The following HIRA variants were observed in gnomAD, a reference collection of about 807,000 sequenced individuals.
The protein encoded by HIRA is histone cell cycle regulator.
A neutral mutation model predicts 126.6 loss-of-function variants in HIRA; 13 were observed. The observed-to-expected ratio is 0.10, with a 90% CI of 0.07 to 0.16. The LOEUF (loss-of-function observed/expected upper bound fraction) is 0.16. Ranked by LOEUF, HIRA falls within the 10% of genes least tolerant of loss-of-function variation. HIRA has a pLI of 1.00. For synonymous variants in HIRA, 511 were observed against 520.0 expected (o/e 0.98, Z 0.24); for missense variants, 834 against 1,314.4 (o/e 0.63, Z 5.65).
intron 1 of HIRA, among the ~76,000 whole-genome samples, chr22:19,419,387 G>A (rs2089425742): frequency 1.3e-5 from 2 of 152,114 alleles, no homozygotes; most frequent in Non-Finnish European, 2.9e-5. Flanking sequence ...GACTGTACCA[G>A]GTGCGCTCCT....
intron 1 of HIRA, among the ~76,000 whole-genome samples, chr22:19,420,711 T>C (rs1459219770): frequency 7.0e-6 from 1 of 143,410 alleles, no homozygotes; most frequent in Non-Finnish European, 1.5e-5. Flanking sequence ...TAAGACCTTG[T>C]CTTTAAAAAA....
chr22:19,356,051 G>A (rs1257154040), intron 20 of HIRA, among the ~76,000 whole-genome samples, 179 bp downstream of exon 20: 3 of 152,182 alleles, frequency 2.0e-5, no homozygotes, highest in African/African-American at 7.2e-5. Context: ...CACCTCTTGG[G>A]GACCCATTCA....
intron 8 of HIRA, 73 bp from the exon 9 acceptor site, chr22:19,392,287 C>T (rs1326631644): frequency 1.2e-6 from 1 of 851,416 alleles, no homozygotes; most frequent in Non-Finnish European, 1.9e-6. Flanking sequence ...AAGTCCCAGC[C>T]CACTGAAGGG....
At chr22:19,418,680 C>T (rs377698996) in intron 1 of HIRA, among the ~76,000 whole-genome samples, 20 of 152,046 alleles carry the variant, frequency 1.3e-4, no homozygotes, top group Admixed American at 9.8e-4. Flanking sequence ...TTCAGCATCT[C>T]GACTGCAGTG....
intron 2 of HIRA, among the ~76,000 whole-genome samples, chr22:19,410,217 T>C (rs1250863314): frequency 6.6e-6 from 1 of 152,228 alleles, no homozygotes; most frequent in Non-Finnish European, 1.5e-5. Flanking sequence ...ATACTACCAA[T>C]AACAGTTTCA....
chr22:19,393,509 C>A (rs1016435197), intron 8 of HIRA, among the ~76,000 whole-genome samples: 3 of 152,116 alleles, frequency 2.0e-5, no homozygotes, highest in African/African-American at 7.2e-5. Context: ...AGGCGCATGA[C>A]ACCATGCCCA....
chr22:19,365,056 T>A (rs2088899897), intron 15 of HIRA, among the ~76,000 whole-genome samples: 1 of 152,178 alleles, frequency 6.6e-6, no homozygotes, highest in South Asian at 2.1e-4. Context: ...CACAGCCTAA[T>A]CCAAAGCAAG....
At chr22:19,342,410 G>A (rs1287688702) in intron 24 of HIRA, among the ~76,000 whole-genome samples, 1 of 152,120 alleles carries the variant, frequency 6.6e-6, no homozygotes, top group Non-Finnish European at 1.5e-5. Flanking sequence ...TTCTGGAGAT[G>A]GAGTCTCACT....
intron 13 of HIRA, 47 bp from the exon 14 acceptor site, chr22:19,378,113 C>A: frequency 7.1e-7 from 1 of 1,411,892 alleles, no homozygotes; most frequent in Non-Finnish European, 9.5e-7. Flanking sequence ...TCAGGTGCCA[C>A]ATCCAGTACT....
chr22:19,398,550 G>A (rs1002724903), intron 5 of HIRA, among the ~76,000 whole-genome samples: 1 of 152,212 alleles, frequency 6.6e-6, no homozygotes, highest in Non-Finnish European at 1.5e-5. Context: ...TGAGGCCCTC[G>A]TCTGGTTCAT....
Position 19,385,565 on chromosome 22 carries a change from C to T in HIRA, c.1285G>A (p.Val429Ile). The part of the protein sequence containing the change: ...ATREMGSATS[V>I]AGVVNGESLE... ...CTCTCCCCGTTGACAACGCCTGCGACTGAGGTGGCTGAGCCCATCTCCCTG... is the reference window on the plus strand; with the variant it reads ...CTCTCCCCGTTGACAACGCCTGCGATTGAGGTGGCTGAGCCCATCTCCCTG... Residue 429 changes from valine (V) to isoleucine (I), a missense_variant, in exon 12 of 25, where the codon GTC becomes ATC. Transcript: ENST00000263208. 6.2e-7 allele frequency: 1 copy of T among 1,614,190 alleles called. No individual in the cohort carries two copies. Among genetic ancestry groups the T allele is most frequent in the Non-Finnish European group, 8.5e-7 (1 of 1,180,044 alleles).
chr22:19,409,143 T>C (rs1371917415), intron 2 of HIRA, among the ~76,000 whole-genome samples: 4 of 152,076 alleles, frequency 2.6e-5, no homozygotes, highest in South Asian at 2.1e-4. Context: ...ACAGGAAAAA[T>C]GGCTCATTAT....
intron 2 of HIRA, among the ~76,000 whole-genome samples, chr22:19,410,338 A>G (rs997888002): frequency 4.6e-5 from 7 of 152,176 alleles, no homozygotes; most frequent in Non-Finnish European, 8.8e-5. Flanking sequence ...AGAAGCTTAA[A>G]TTACCCTCAT....
At chr22:19,413,520 C>A (rs2089370756) in intron 1 of HIRA, among the ~76,000 whole-genome samples, 1 of 152,126 alleles carries the variant, frequency 6.6e-6, no homozygotes, top group Non-Finnish European at 1.5e-5. Flanking sequence ...AGTGCTGGCT[C>A]CCCGCCTCCT....
intron 2 of HIRA, among the ~76,000 whole-genome samples, chr22:19,409,178 C>T (rs1391086082): frequency 6.6e-6 from 1 of 152,136 alleles, no homozygotes; most frequent in African/African-American, 2.4e-5. Context: ...TTTGCAGTTA[C>T]CTACAGACGA....
At chr22:19,423,623 G>A (rs1009626171) in intron 1 of HIRA, among the ~76,000 whole-genome samples, 3 of 152,048 alleles carry the variant, frequency 2.0e-5, no homozygotes, top group Non-Finnish European at 4.4e-5. Context: ...CTGCTCCAAC[G>A]TAGGTCTATC....
chr22:19,378,032 G>T lies in HIRA; in HGVS notation c.1450C>A (p.Leu484Ile). 1.9e-6 allele frequency: 3 copies of T among 1,598,190 alleles called. No individual in the cohort carries two copies. Among genetic ancestry groups the T allele is most frequent in the South Asian group, 2.2e-5 (2 of 88,976 alleles). ...FSTAFFNSIP[L>I]SGSLAGTMLS... ...ATGGTGCCCGCCAGGGAGCCCGAGA[G>T]GGGGATGCTGTTAAAGAATGCCGTG... Residue 484 changes from leucine to isoleucine, a missense_variant, in exon 14 of 25, where the codon CTC (leucine) becomes ATC (isoleucine). Leu to Ile is a conservative substitution (Grantham distance 5). Transcript: ENST00000263208.
chr22:19,338,530 G>T (rs1472017072), intron 24 of HIRA, among the ~76,000 whole-genome samples: 2 of 152,064 alleles, frequency 1.3e-5, no homozygotes, highest in Non-Finnish European at 2.9e-5. Flanking sequence ...CCACTTAAAA[G>T]ATACAGAATG....
At chr22:19,359,166 G>A (rs945638881) in intron 18 of HIRA, among the ~76,000 whole-genome samples, 170 bp downstream of exon 18, 1 of 152,174 alleles carries the variant, frequency 6.6e-6, no homozygotes, top group Non-Finnish European at 1.5e-5. Flanking sequence ...GGGTGCTGCA[G>A]GGACTGAGAT....
Sources: allele counts gnomAD v4.1 joint callset (sites outside exome capture counted in the v4.1 genomes callset), GRCh38; gene constraint gnomAD v4.1.1; transcripts MANE v1.5; gene names NCBI Gene and HGNC (gene_info 2026-07-23, HGNC 2026-07-21).